Variants in MAP3K15 observed in about 807,000 individuals in gnomAD.
MAP3K15 encodes the protein MAPK/ERK kinase kinase 15.
A neutral mutation model predicts 99.5 loss-of-function variants in MAP3K15; 124 were observed. That is an observed-to-expected ratio of 1.25 (90% CI 1.08 to 1.45). The LOEUF is 1.45. Ranked by LOEUF, MAP3K15 falls within the 40% of genes most tolerant of loss-of-function variation. MAP3K15 has a pLI of 0.00. For missense variants in MAP3K15, 1,242 were observed against 1,079.7 expected, an observed-to-expected ratio of 1.15 and a Z score of -2.11; for synonymous variants, 494 against 439.6, an observed-to-expected ratio of 1.12 and a Z score of -1.55.
At chrX:19,416,020 G>A (rs771438757) in intron 9 of MAP3K15, among the ~76,000 whole-genome samples, 2 of 111,768 alleles carry the variant, frequency 1.8e-5, no homozygotes, top group African/African-American at 6.5e-5. Context: ...AGCTCCTGTT[G>A]TAAGTATCTG....
At chrX:19,499,148 C>A (rs2064425603) in intron 1 of MAP3K15, among the ~76,000 whole-genome samples, 1 of 111,875 alleles carries the variant, frequency 8.9e-6, no homozygotes, top group Non-Finnish European at 1.9e-5. Flanking sequence ...AGGAAGATAT[C>A]TGCATGTCCA....
intron 9 of MAP3K15, among the ~76,000 whole-genome samples, chrX:19,423,724 G>C (rs1463643672): frequency 1.8e-5 from 2 of 111,584 alleles, no homozygotes; most frequent in Non-Finnish European, 3.8e-5. Context: ...CTAAGCCCTT[G>C]GGATATACTG....
chrX:19,427,453 T>C (rs1418178153), intron 7 of MAP3K15, among the ~76,000 whole-genome samples: 1 of 111,770 alleles, frequency 8.9e-6, no homozygotes, highest in Non-Finnish European at 1.9e-5. Flanking sequence ...GGAAGCCGTA[T>C]TGCCAAAATC....
At chrX:19,463,140 G>C (rs908249631) in intron 4 of MAP3K15, among the ~76,000 whole-genome samples, 1 of 112,153 alleles carries the variant, frequency 8.9e-6, no homozygotes, top group Non-Finnish European at 1.9e-5. Context: ...GACTGCATGA[G>C]GTTTTCCAGG....
At chrX:19,416,006 G>C (rs1164169055) in intron 9 of MAP3K15, among the ~76,000 whole-genome samples, 5 of 111,593 alleles carry the variant, frequency 4.5e-5, no homozygotes, top group African/African-American at 1.3e-4. Context: ...TTGCTATTGT[G>C]GTGAGCTCCT....
At position 19,427,407 on chromosome X, in the gene MAP3K15, T is replaced by C. The variant is rs1043258351; in HGVS notation, c.1167-1064A>G. Among the ~76,000 whole-genome samples the C allele has an allele frequency of 7.2e-5, 8 of 111,623 alleles. 1 individual carries two copies. Among genetic ancestry groups the C allele is most frequent in the Non-Finnish European group, 5.6e-5 (3 of 53,175 alleles). On this transcript the variant is annotated intron_variant, in intron 7 of 28. Transcript: ENST00000338883. The stretch of plus-strand genomic sequence containing the variant: ...AGGCCATTTCTCTGCAAGCTGTTTG[T>C]TTGCTTTTAACAATATGGAGTTGTT...
chrX:19,481,038 C>G (rs1382994936), intron 3 of MAP3K15, among the ~76,000 whole-genome samples: 2 of 98,858 alleles, frequency 2.0e-5, no homozygotes. Context: ...GTACCTGAAC[C>G]AGGGGAAGTC....
chrX:19,421,016 A>C (rs2063779745), intron 9 of MAP3K15, among the ~76,000 whole-genome samples: 1 of 111,563 alleles, frequency 9.0e-6, no homozygotes, highest in African/African-American at 3.3e-5. Flanking sequence ...TACATTAGGT[A>C]TTGATGGGAC....
At chrX:19,491,371 C>T (rs970755349) in intron 1 of MAP3K15, among the ~76,000 whole-genome samples, 2 of 111,203 alleles carry the variant, frequency 1.8e-5, no homozygotes, top group African/African-American at 6.6e-5. Flanking sequence ...ACAGAGCACC[C>T]CCAGGAGGGC....
chrX:19,500,592 A>G (rs2064434603), intron 1 of MAP3K15, among the ~76,000 whole-genome samples: 2 of 110,909 alleles, frequency 1.8e-5, no homozygotes, highest in African/African-American at 6.6e-5. Context: ...TCCCTCCCCA[A>G]ACCAAGCCCC....
intron 1 of MAP3K15, among the ~76,000 whole-genome samples, chrX:19,490,593 C>G (rs1366023500): frequency 9.1e-6 from 1 of 109,468 alleles, no homozygotes; most frequent in African/African-American, 3.3e-5. Context: ...ATAAAAAATA[C>G]AAAAAATTAG....
intron 7 of MAP3K15, among the ~76,000 whole-genome samples, chrX:19,430,435 C>A (rs2063871862): frequency 9.0e-6 from 1 of 111,476 alleles, no homozygotes; most frequent in Non-Finnish European, 1.9e-5. Context: ...AGAAGCCAGC[C>A]CAGGTGAAGC....
At chrX:19,509,650 T>C (rs951933534) in intron 1 of MAP3K15, among the ~76,000 whole-genome samples, 1 of 111,488 alleles carries the variant, frequency 9.0e-6, no homozygotes, top group Non-Finnish European at 1.9e-5. Context: ...AGGAAAGATC[T>C]AAAATCGACA....
intron 2 of MAP3K15, among the ~76,000 whole-genome samples, chrX:19,486,756 T>C (rs1332699341): frequency 4.5e-5 from 5 of 111,525 alleles, no homozygotes; most frequent in Non-Finnish European, 7.5e-5. Flanking sequence ...CTGGAACTAT[T>C]AGGGGGCATT....
intron 3 of MAP3K15, among the ~76,000 whole-genome samples, chrX:19,469,690 A>C (rs1445896819): frequency 3.6e-5 from 4 of 111,567 alleles, no homozygotes; most frequent in African/African-American, 6.5e-5. Context: ...CAATGAACTC[A>C]AACAAATTTA....
chrX:19,497,196 C>CT (rs1259581211), intron 1 of MAP3K15: 3 of 103,876 alleles, frequency 2.9e-5, no homozygotes, highest in African/African-American at 1.1e-4. Context: ...GAATCTCACT[C>CT]TGTTGCCCAG....
At chrX:19,422,269 G>T (rs2147295275) in intron 9 of MAP3K15, among the ~76,000 whole-genome samples, 1 of 111,393 alleles carries the variant, frequency 9.0e-6, no homozygotes, top group Admixed American at 9.6e-5. Context: ...GAAAATTTTT[G>T]CAATCTACTC....
At chrX:19,437,738 A>G (rs2063931786) in intron 6 of MAP3K15, among the ~76,000 whole-genome samples, 1 of 111,644 alleles carries the variant, frequency 9.0e-6, no homozygotes, top group Non-Finnish European at 1.9e-5. Flanking sequence ...TTTGGGTCTG[A>G]TTTGTTAACT....
Position 19,489,108 on chromosome X carries a change from A to T in MAP3K15, c.362-141T>A, listed in dbSNP as rs2064349685. On this transcript the variant is annotated intron_variant, in intron 1 of 28. Coordinates refer to ENST00000338883, the MANE Select transcript of MAP3K15 (RefSeq NM_001001671.4). ...AGGTAAAGTAAGGAATGATTTGATT[A>T]AAATTACCCTATGAACTGTGGAAGA... 6 of 556,145 alleles carry T rather than the reference A, an allele frequency of 1.1e-5. No homozygotes were observed. In the South Asian group the frequency reaches 1.9e-4, roughly 17 times the overall value. 45.8% of individuals were successfully genotyped at this position (556,145 alleles called of 1,213,427 possible). A position where few individuals can be genotyped will look rare whatever the true frequency, so the allele number is the denominator to read the frequency against.
Sources: allele counts gnomAD v4.1 joint callset (sites outside exome capture counted in the v4.1 genomes callset), GRCh38; gene constraint gnomAD v4.1.1; transcripts MANE v1.5; gene names NCBI Gene and HGNC (gene_info 2026-07-23, HGNC 2026-07-21).